Variants in NQO1 observed in about 807,000 individuals in gnomAD.
NQO1 encodes NAD(P)H quinone dehydrogenase 1, also known as NAD(P)H dehydrogenase [quinone] 1.
A neutral mutation model predicts 32.1 loss-of-function variants in NQO1; 30 were observed. The ratio of observed to expected loss-of-function variants is 0.94; its 90% CI spans 0.70 to 1.27. The LOEUF (loss-of-function observed/expected upper bound fraction) is 1.27. NQO1 is among the 50% of genes most tolerant of loss of function. NQO1 has a pLI of 0.00. For synonymous variants in NQO1, 109 were observed against 119.7 expected (o/e 0.91, Z 0.59); for missense variants, 276 against 331.3 (o/e 0.83, Z 1.30).
chr16:69,722,420 A>C (rs1411118698), intron 1 of NQO1, among the ~76,000 whole-genome samples: 1 of 152,016 alleles, frequency 6.6e-6, no homozygotes. Context: ...TTGGCCTCCC[A>C]AAGTGCTGGG....
At chr16:69,723,612 A>G (rs2038221838) in intron 1 of NQO1, among the ~76,000 whole-genome samples, 1 of 151,968 alleles carries the variant, frequency 6.6e-6, no homozygotes, top group Non-Finnish European at 1.5e-5. Flanking sequence ...AGCCTGGTTA[A>G]CATGGTGAAA....
intron 5 of NQO1, among the ~76,000 whole-genome samples, chr16:69,712,226 T>G (rs1174385883): frequency 6.6e-6 from 1 of 151,808 alleles, no homozygotes; most frequent in Non-Finnish European, 1.5e-5. Flanking sequence ...CACAGGTGTA[T>G]GACTACACCC....
chr16:69,716,405 T>C (rs1195679910), intron 3 of NQO1, among the ~76,000 whole-genome samples: 1 of 151,416 alleles, frequency 6.6e-6, no homozygotes, highest in East Asian at 1.9e-4. Flanking sequence ...GGCAGGAAAA[T>C]GGCTTGAACC....
intron 1 of NQO1, among the ~76,000 whole-genome samples, chr16:69,721,175 G>A (rs981705493): frequency 6.6e-6 from 1 of 152,052 alleles, no homozygotes; most frequent in Non-Finnish European, 1.5e-5. Flanking sequence ...ATAGGTGTGA[G>A]CAACCACGCC....
At chr16:69,713,888 G>GTTTTTTTTGTTTTTTTTT (rs376877333) in intron 4 of NQO1, among the ~76,000 whole-genome samples, 83 of 130,054 alleles carry the variant, frequency 6.4e-4, no homozygotes, top group South Asian at 2.5e-3. Flanking sequence ...TTTTGTTTTT[G>GTTTTTTTTGTTTTTTTTT]TTTTTGATAT....
chr16:69,721,104 G>T lies in NQO1; in HGVS notation c.8-2570C>A, dbSNP rs563312071. On this transcript the variant is annotated intron_variant, in intron 1 of 5. Transcript: ENST00000320623. ...ATGTTGCCCAGGCTGGTCAAATTTG[G>T]AGCCGTGTTGCCCAGGCTGGGGCAA... is the stretch of plus-strand genomic sequence containing the variant. 4.1e-4 allele frequency among the ~76,000 whole-genome samples: 61 copies of T among 149,690 alleles called. 1 individual carries two copies. The South Asian group carries it at 0.013, about 31-fold the overall frequency.
At chr16:69,715,222 C>CT in intron 3 of NQO1, 145 bp from the exon 4 acceptor site, 1 of 633,578 alleles carries the variant, frequency 1.6e-6, no homozygotes, top group Non-Finnish European at 2.8e-6. Context: ...GGAGTTAGCA[C>CT]TTTAAGGAAA....
intron 4 of NQO1, among the ~76,000 whole-genome samples, chr16:69,713,352 A>AC (rs1431628721): frequency 6.6e-6 from 1 of 152,070 alleles, no homozygotes; most frequent in Non-Finnish European, 1.5e-5. Flanking sequence ...AGGATTCCAA[A>AC]CCCCCACATG....
At chr16:69,714,876 T>G in intron 4 of NQO1, 88 bp downstream of exon 4, 1 of 932,648 alleles carries the variant, frequency 1.1e-6, no homozygotes, top group Non-Finnish European at 1.7e-6. Flanking sequence ...GGAAGCTCCA[T>G]CTCAAACAAA....
chr16:69,722,969 C>T (rs1367083059), intron 1 of NQO1, among the ~76,000 whole-genome samples: 3 of 152,144 alleles, frequency 2.0e-5, no homozygotes, highest in African/African-American at 7.2e-5. Flanking sequence ...GCTCTGTCGC[C>T]CAGGCTGGAG....
intron 1 of NQO1, among the ~76,000 whole-genome samples, chr16:69,721,503 T>C (rs2151746632): frequency 6.6e-6 from 1 of 152,308 alleles, no homozygotes; most frequent in South Asian, 2.1e-4. Flanking sequence ...TCCAGAACTG[T>C]GAGAAATCAA....
Position 69,726,491 on chromosome 16 carries a change from C to A in NQO1, c.-52G>T, listed in dbSNP as rs1254098148. ...TTGGCTGGGCTCGTGGTTGCCGGGG[C>A]GACCCTGGCCGGAACTAGGCTCTCG... On this transcript the variant is annotated 5_prime_UTR_variant, in exon 1 of 6. Transcript: ENST00000320623. 5.6e-6 allele frequency: 9 copies of A among 1,597,590 alleles called. No homozygotes were observed. The highest frequency in any genetic ancestry group is 1.7e-5 in the Admixed American group (1 of 58,352).
rs1419371344 is a variant in NQO1, at chr16:69,715,049, G to C, written c.332C>G (p.Ala111Gly). 1 of 1,613,686 alleles carries C rather than the reference G, an allele frequency of 6.2e-7. No homozygotes were observed. The highest frequency in any genetic ancestry group is 1.7e-4 in the Middle Eastern group (1 of 6,060). ...TCGCTCAAACCAGCCTTTCAGAATGGCAGGGACTCCAAACCACTGCAGGGG... is the reference window on the plus strand; with the variant it reads ...TCGCTCAAACCAGCCTTTCAGAATGCCAGGGACTCCAAACCACTGCAGGGG... The part of the protein sequence containing the change: ...QFPLQWFGVP[A>G]ILKGWFERVF... The change falls in exon 4 of 6, where the codon GCC becomes GGC. Residue 111 changes from alanine (A) to glycine (G), a missense_variant. Coordinates refer to ENST00000320623, the MANE Select transcript of NQO1 (RefSeq NM_000903.3).
chr16:69,724,672 G>T (rs1296832422), intron 1 of NQO1, among the ~76,000 whole-genome samples: 1 of 152,094 alleles, frequency 6.6e-6, no homozygotes, highest in Admixed American at 6.6e-5. Context: ...CTGCACTCCA[G>T]CCTGGGCAAC....
Position 69,726,444 on chromosome 16 carries a change from C to A in NQO1, c.-5G>T. The A allele has an allele frequency of 2.5e-6, 4 of 1,611,176 alleles. No homozygotes were observed. The highest frequency in any genetic ancestry group is 3.4e-6 in the Non-Finnish European group (4 of 1,179,392). On this transcript the variant is annotated 5_prime_UTR_variant, in exon 1 of 6. Coordinates refer to ENST00000320623, the MANE Select transcript of NQO1 (RefSeq NM_000903.3). ...TTTGCAGCACTCACCGACCATGGCT[C>A]TGGTGCAGTCCGGGGCGCTGATTGG... is the stretch of plus-strand genomic sequence containing the variant.
At chr16:69,715,944 A>G (rs1411841996) in intron 3 of NQO1, among the ~76,000 whole-genome samples, 1 of 152,108 alleles carries the variant, frequency 6.6e-6, no homozygotes, top group East Asian at 1.9e-4. Context: ...AGGTGGGAGG[A>G]CCACTTGAGC....
At chr16:69,723,084 C>A (rs900491058) in intron 1 of NQO1, among the ~76,000 whole-genome samples, 3 of 152,302 alleles carry the variant, frequency 2.0e-5, no homozygotes, top group South Asian at 2.1e-4. Context: ...CTCGCCGCCA[C>A]GCCCGGCTAA....
intron 1 of NQO1, among the ~76,000 whole-genome samples, chr16:69,720,897 C>T (rs2038180130): frequency 6.7e-6 from 1 of 148,548 alleles, no homozygotes; most frequent in Non-Finnish European, 1.5e-5. Flanking sequence ...TTTTCTCTTT[C>T]TGAGACAGGG....
At chr16:69,723,800 TCAAA>T (rs1328921064) in intron 1 of NQO1, among the ~76,000 whole-genome samples, 10 of 152,056 alleles carry the variant, frequency 6.6e-5, no homozygotes, top group South Asian at 4.2e-4. Context: ...AGCCTCTGTC[TCAAA>T]CAAACAAACA....
Sources: allele counts gnomAD v4.1 joint callset (sites outside exome capture counted in the v4.1 genomes callset), GRCh38; gene constraint gnomAD v4.1.1; transcripts MANE v1.5; gene names NCBI Gene and HGNC (gene_info 2026-07-23, HGNC 2026-07-21).